Variants in ACY3 observed in about 807,000 individuals in gnomAD.
The protein encoded by ACY3 is N-acyl-aromatic-L-amino acid amidohydrolase (carboxylate-forming).
Under a neutral mutation model 24.6 loss-of-function variants are expected in ACY3, and 20 were observed. That is an observed-to-expected ratio of 0.81 (90% CI 0.57 to 1.18). The LOEUF is 1.18. Ranked by LOEUF, ACY3 falls within the 50% of genes most tolerant of loss-of-function variation. The pLI is 0.00. For synonymous variants in ACY3, 174 were observed against 188.4 expected, an observed-to-expected ratio of 0.92 and a Z score of 0.62; for missense variants, 423 against 426.8, an observed-to-expected ratio of 0.99 and a Z score of 0.08.
At position 67,645,809 on chromosome 11, in the gene ACY3, CG is replaced by C. The variant is rs1565238529; in HGVS notation, c.314del (p.Ser105TrpfsTer22). The C allele has an allele frequency of 1.2e-6, 2 of 1,613,982 alleles. No individual in the cohort carries two copies. The highest frequency in any genetic ancestry group is 1.7e-6 in the Non-Finnish European group (2 of 1,179,934). ...CAAGGACAAAGTCAAAGGCCTGGCC[CG>C]AGGCCTTGGGCCCCAGCAGCTGGTT... ...ELNQLLGPKASGQAFDFVLDL... is the reference protein window; with the variant it reads ...ELNQLLGPKAXGQAFDFVLDL... On this transcript the variant is annotated frameshift_variant, in exon 4 of 8. Coordinates refer to ENST00000255082, the MANE Select transcript of ACY3 (RefSeq NM_080658.2). LOFTEE classifies it high-confidence loss of function.
At position 67,645,829 on chromosome 11, in the gene ACY3, G is replaced by A. The variant is rs113375534; in HGVS notation, c.295C>T (p.Leu99=). ...TGGCCCGAGGCCTTGGGCCCCAGCA[G>A]CTGGTTCAGCTCTCGGGCTCTTGTC... is the stretch of plus-strand genomic sequence containing the variant. ...EVTRARELNQ[L]LGPKASGQAF... is the part of the protein sequence containing the mutation. Residue 99 remains leucine (L), a synonymous_variant, in exon 4 of 8, where the codon CTG becomes TTG. Transcript: ENST00000255082. 696 of 1,613,686 alleles carry A rather than the reference G, an allele frequency of 4.3e-4. 1 individual carries two copies. In the African/African-American group the frequency reaches 8.3e-3, roughly 19 times the overall value.
At chr11:67,650,060 G>C (rs974034497) in intron 1 of ACY3, among the ~76,000 whole-genome samples, 3 of 152,224 alleles carry the variant, frequency 2.0e-5, no homozygotes, top group Non-Finnish European at 4.4e-5. Context: ...TCCTGGCCAA[G>C]GGCAGCTGTG....
At chr11:67,643,143 G>T (rs1313126378) in intron 7 of ACY3, among the ~76,000 whole-genome samples, 2 of 152,240 alleles carry the variant, frequency 1.3e-5, no homozygotes, top group African/African-American at 2.4e-5. Flanking sequence ...GGTCACCTTG[G>T]GGTGGCATGT....
Position 67,642,810 on chromosome 11 carries a change from C to T in ACY3, c.874G>A (p.Gly292Ser), listed in dbSNP as rs2134106178. 6.2e-7 allele frequency: 1 copy of T among 1,614,042 alleles called. No individual in the cohort carries two copies. Among genetic ancestry groups the T allele is most frequent in the South Asian group, 1.1e-5 (1 of 91,082 alleles). ...TTCTCAGTCTGGACAAAGGCAACGC[C>T]CTTCTCATAGTAGGCAGCCTCGTTA... ...FINEAAYYEKGVAFVQTEKFT... is the reference protein window; with the variant it reads ...FINEAAYYEKSVAFVQTEKFT... The change falls in exon 8 of 8, where the codon GGC becomes AGC. Residue 292 changes from glycine (G) to serine (S), a missense_variant. By Grantham distance (56) the Gly-to-Ser change is moderately conservative. Transcript: ENST00000255082.
At chr11:67,647,751 C>G (rs1049607085) in intron 1 of ACY3, among the ~76,000 whole-genome samples, 162 bp from the exon 2 acceptor site, 1 of 152,202 alleles carries the variant, frequency 6.6e-6, no homozygotes, top group Non-Finnish European at 1.5e-5. Context: ...CACGGCCCAA[C>G]GAGTCCAGGT....
intron 1 of ACY3, among the ~76,000 whole-genome samples, chr11:67,648,843 G>C (rs888161938): frequency 4.6e-5 from 7 of 152,340 alleles, no homozygotes; most frequent in African/African-American, 1.7e-4. Context: ...TCCCATCAGG[G>C]CAGCTGGGAT....
At chr11:67,645,191 C>T (rs1565238060) in intron 5 of ACY3, 39 bp from the exon 6 acceptor site, 1 of 1,604,652 alleles carries the variant, frequency 6.2e-7, no homozygotes, top group Non-Finnish European at 8.5e-7. Context: ...AGGTGCAGGA[C>T]CCATATACTC....
At chr11:67,644,011 A>T (rs1449099506) in intron 7 of ACY3, among the ~76,000 whole-genome samples, 2 of 152,158 alleles carry the variant, frequency 1.3e-5, no homozygotes, top group African/African-American at 2.4e-5. Flanking sequence ...TAATAATAAA[A>T]AATAAAATAA....
At position 67,649,833 on chromosome 11, in the gene ACY3, T is replaced by C. The variant is rs561349662; in HGVS notation, c.-95+750A>G. ...GTGTGCATGTGTGCATGCATGTGTG[T>C]GTACATGTGTGCGTGTGTGCATGAG... is the stretch of plus-strand genomic sequence containing the variant. On this transcript the variant is annotated intron_variant, in intron 1 of 7. Transcript: ENST00000255082. Among the ~76,000 whole-genome samples, 8 of 149,268 alleles carry C rather than the reference T, an allele frequency of 5.4e-5. No individual in the cohort carries two copies. The East Asian group carries it at 1.4e-3, about 26-fold the overall frequency.
intron 1 of ACY3, among the ~76,000 whole-genome samples, chr11:67,648,629 G>C (rs1057197941): frequency 2.0e-5 from 3 of 152,110 alleles, no homozygotes; most frequent in Non-Finnish European, 2.9e-5. Context: ...GGGTCTCCCC[G>C]GGCCAGTCCA....
At chr11:67,643,066 C>A (rs1171986393) in intron 7 of ACY3, 127 bp from the exon 8 acceptor site, 2 of 795,166 alleles carry the variant, frequency 2.5e-6, no homozygotes, top group Non-Finnish European at 4.1e-6. Context: ...TGCTTCACTT[C>A]CTTAATCCAT....
In ACY3 at chr11:67,642,813, T is replaced by G. The variant is rs1855432983; in HGVS notation, c.871A>C (p.Lys291Gln). The change falls in exon 8 of 8, where the codon AAG (lysine) becomes CAG (glutamine). Residue 291 changes from lysine to glutamine, a missense_variant. Lys to Gln is a moderately conservative substitution (Grantham distance 53). Coordinates refer to ENST00000255082, the MANE Select transcript of ACY3 (RefSeq NM_080658.2). ...VFINEAAYYE[K>Q]GVAFVQTEKF... Reference sequence around the variant, plus strand: ...TCAGTCTGGACAAAGGCAACGCCCTTCTCATAGTAGGCAGCCTCGTTAATG... The same window carrying G: ...TCAGTCTGGACAAAGGCAACGCCCTGCTCATAGTAGGCAGCCTCGTTAATG... 4 of 1,614,090 alleles carry G rather than the reference T, an allele frequency of 2.5e-6. No individual in the cohort carries two copies. The Middle Eastern group carries it at 6.6e-4, about 266-fold the overall frequency.
chr11:67,647,611 G>A (rs1279247612), intron 1 of ACY3, 22 bp from the exon 2 acceptor site: 10 of 129,908 alleles, frequency 7.7e-5, no homozygotes, highest in African/African-American at 2.8e-4. Context: ...CAGATGGGAA[G>A]TTTTGTGGCA....
chr11:67,646,710 T>G, intron 3 of ACY3, 98 bp downstream of exon 3: 3 of 1,154,564 alleles, frequency 2.6e-6, no homozygotes, highest in Middle Eastern at 1.9e-4. Context: ...GAAGCAGGAG[T>G]GAAGGCAGGG....
At chr11:67,642,978 C>A in intron 7 of ACY3, 39 bp from the exon 8 acceptor site, 1 of 1,583,678 alleles carries the variant, frequency 6.3e-7, no homozygotes, top group East Asian at 2.3e-5. Flanking sequence ...CTGGGGCCAC[C>A]TCTGCCCTGG....
intron 1 of ACY3, among the ~76,000 whole-genome samples, 199 bp downstream of exon 1, chr11:67,650,384 T>C (rs2514044): frequency 0.054 from 8,212 of 152,222 alleles, 743 homozygotes; most frequent in African/African-American, 0.19. Context: ...GTCTAGGTGT[T>C]CTCCTTACTT....
intron 7 of ACY3, 145 bp from the exon 8 acceptor site, chr11:67,643,084 C>G (rs1251405937): frequency 1.4e-6 from 1 of 725,274 alleles, no homozygotes; most frequent in Non-Finnish European, 2.3e-6. Context: ...CATATGACAG[C>G]AGGTCTGGTG....
chr11:67,647,001 C>A lies in ACY3; in HGVS notation c.43G>T (p.Ala15Ser). The change falls in exon 3 of 8, where the codon GCT (alanine) becomes TCT (serine). Residue 15 changes from alanine to serine, a missense_variant. Physicochemically the swap from Ala to Ser is moderately conservative, Grantham distance 99. Coordinates refer to ENST00000255082, the MANE Select transcript of ACY3 (RefSeq NM_080658.2). ...TTGCCATGCGTGCCCCCAGTCACAG[C>A]CACGCGACGCAGGGGCTCCCGGGGC... ...PVPREPLRRV[A>S]VTGGTHGNEM... The A allele has an allele frequency of 1.3e-6, 2 of 1,556,492 alleles. No individual in the cohort carries two copies. The highest frequency in any genetic ancestry group is 8.7e-7 in the Non-Finnish European group (1 of 1,149,080).
At position 67,645,876 on chromosome 11, in the gene ACY3, G is replaced by A; in HGVS notation, c.248C>T (p.Thr83Ile). Reference protein sequence around the residue: ...FTSSFLNSRPTPDDPYEVTRA... With the variant: ...FTSSFLNSRPIPDDPYEVTRA... ...TGTCACCTCATATGGGTCGTCCGGGGTGGGCCTGGAACTGTGGAGACGGGA... is the reference window on the plus strand; with the variant it reads ...TGTCACCTCATATGGGTCGTCCGGGATGGGCCTGGAACTGTGGAGACGGGA... The change falls in exon 4 of 8, where the codon ACC becomes ATC. Residue 83 changes from threonine to isoleucine, a missense_variant. Coordinates refer to ENST00000255082, the MANE Select transcript of ACY3 (RefSeq NM_080658.2). 13 of 1,604,854 alleles carry A rather than the reference G, an allele frequency of 8.1e-6. No homozygotes were observed. Among genetic ancestry groups the A allele is most frequent in the Non-Finnish European group, 1.1e-5 (13 of 1,174,998 alleles).
Sources: gnomAD v4.1 joint callset for allele counts (sites outside exome capture counted in the v4.1 genomes callset) on GRCh38, gnomAD v4.1.1 for gene constraint, MANE v1.5 for transcripts, NCBI Gene and HGNC (gene_info 2026-07-23, HGNC 2026-07-21) for gene names.